DYRK1A: variants seen among roughly 807,000 people sequenced by gnomAD.
DYRK1A encodes dual specificity tyrosine phosphorylation regulated kinase 1A, also known as dual specificity tyrosine-phosphorylation-regulated kinase 1A.
DYRK1A carries 9 observed loss-of-function variants against 79.7 expected under a neutral mutation model. The ratio of observed to expected loss-of-function variants is 0.11; its 90% CI spans 0.07 to 0.20. DYRK1A has a LOEUF of 0.20. Among genes scored for constraint, DYRK1A ranks in the 10% least tolerant of loss-of-function variants. The pLI is 1.00. For synonymous variants in DYRK1A, 349 were observed against 329.7 expected, an observed-to-expected ratio of 1.06 and a Z score of -0.63; for missense variants, 622 against 956.0, an observed-to-expected ratio of 0.65 and a Z score of 4.61.
intron 2 of DYRK1A, among the ~76,000 whole-genome samples, chr21:37,451,366 C>CCCACCCA (rs2051443172): frequency 3.8e-5 from 2 of 52,566 alleles, no homozygotes; most frequent in Non-Finnish European, 1.0e-4. Context: ...CCATCCCTCC[C>CCCACCCA]TCCCTCCATC....
chr21:37,375,727 A>G (rs143983667), intron 1 of DYRK1A, among the ~76,000 whole-genome samples: 1,610 of 151,894 alleles, frequency 0.011, 21 homozygotes, highest in African/African-American at 0.037. Flanking sequence ...GGATTTCACT[A>G]TGTTGGTCAG....
At chr21:37,420,262 CATT>C (rs2050439902) in intron 1 of DYRK1A, 34 bp from the exon 2 acceptor site, 2 of 760,340 alleles carry the variant, frequency 2.6e-6, no homozygotes, top group East Asian at 5.7e-5. Flanking sequence ...TGTCTTGCAT[CATT>C]ATCTCTTATC....
intron 2 of DYRK1A, among the ~76,000 whole-genome samples, chr21:37,468,108 T>A (rs933968878): frequency 2.6e-5 from 4 of 152,144 alleles, no homozygotes; most frequent in Non-Finnish European, 5.9e-5. Flanking sequence ...TAGCCAAACT[T>A]ACTTACTTTT....
In DYRK1A at chr21:37,420,337, C is replaced by A; in HGVS notation, c.-38C>A. ...CCGCTGGACTCTTCCCTCCCTTCCC[C>A]CACCCCATCAGGATGATATGAGACT... On this transcript the variant is annotated 5_prime_UTR_variant, in exon 2 of 12. Coordinates refer to ENST00000647188, the MANE Select transcript of DYRK1A (RefSeq NM_001347721.2). The A allele has an allele frequency of 6.2e-7, 1 of 1,608,948 alleles. No individual in the cohort carries two copies. The highest frequency in any genetic ancestry group is 8.5e-7 in the Non-Finnish European group (1 of 1,176,586).
intron 2 of DYRK1A, among the ~76,000 whole-genome samples, chr21:37,466,232 C>T (rs948102214): frequency 1.4e-4 from 21 of 151,928 alleles, no homozygotes; most frequent in East Asian, 3.9e-4. Flanking sequence ...CTTGTGAATA[C>T]AGTAGATATA....
At chr21:37,366,420 G>A (rs1214202207), upstream of DYRK1A, among the ~76,000 whole-genome samples, 1 of 146,380 alleles carries the variant, frequency 6.8e-6, no homozygotes, top group East Asian at 2.0e-4. Context: ...GGGGCGGGGC[G>A]GGGCGGCCGG....
At chr21:37,447,262 T>C (rs1057251633) in intron 2 of DYRK1A, among the ~76,000 whole-genome samples, 3 of 152,136 alleles carry the variant, frequency 2.0e-5, no homozygotes, top group African/African-American at 4.8e-5. Context: ...CAGGATCTTA[T>C]GTTATAGTTG....
chr21:37,461,345 G>T (rs2051831629), intron 2 of DYRK1A, among the ~76,000 whole-genome samples: 1 of 152,072 alleles, frequency 6.6e-6, no homozygotes, highest in Non-Finnish European at 1.5e-5. Flanking sequence ...CCTGTCCTTT[G>T]TGCTGTGATT....
At chr21:37,427,425 T>C (rs1168960621) in intron 2 of DYRK1A, among the ~76,000 whole-genome samples, 10 of 152,232 alleles carry the variant, frequency 6.6e-5, no homozygotes, top group South Asian at 6.2e-4. Flanking sequence ...TCTTGGCCTT[T>C]AGTCACTTTT....
chr21:37,377,452 C>T (rs1015151020), intron 1 of DYRK1A, among the ~76,000 whole-genome samples: 1 of 151,934 alleles, frequency 6.6e-6, no homozygotes, highest in African/African-American at 2.4e-5. Context: ...AGAAATATTT[C>T]CATGTCAGCT....
chr21:37,525,677 C>G lies in DYRK1A; in HGVS notation c.*13146C>G, dbSNP rs138530252. 23 of 152,332 alleles carry G rather than the reference C, an allele frequency of 1.5e-4. No homozygotes were observed. The highest frequency in any genetic ancestry group is 5.3e-4 in the African/African-American group (22 of 41,570). The allele number at this position is 152,332 out of a possible 1,614,324, so 9.4% of individuals were successfully genotyped here. A position where few individuals can be genotyped will look rare whatever the true frequency, so the allele number is the denominator to read the frequency against. On this transcript the variant is annotated 3_prime_UTR_variant, in exon 12 of 12. Coordinates refer to ENST00000647188, the MANE Select transcript of DYRK1A (RefSeq NM_001347721.2). ...GATACTTTGTGAGAAATATTTGAAT[C>G]TATCATGCATTATTGAACCAGTATT... is the stretch of plus-strand genomic sequence containing the variant.
intron 6 of DYRK1A, among the ~76,000 whole-genome samples, chr21:37,489,832 T>G (rs781705386): frequency 2.6e-5 from 4 of 152,158 alleles, no homozygotes; most frequent in Non-Finnish European, 5.9e-5. Context: ...AAGTGCTTTC[T>G]TTTATAAATG....
Position 37,478,216 on chromosome 21 carries a change from G to A in DYRK1A, c.216G>A (p.Met72Ile), listed in dbSNP as rs1481588592. Residue 72 changes from methionine (M) to isoleucine (I), a missense_variant, in exon 4 of 12, where the codon ATG becomes ATA. By Grantham distance (10) the Met-to-Ile change is conservative. Coordinates refer to ENST00000647188, the MANE Select transcript of DYRK1A (RefSeq NM_001347721.2). ...IQQPLTNQRR[M>I]PQTFRDPATA... ...ATATTGTCATGTTACAGAGGCGGAT[G>A]CCCCAAACCTTCCGTGACCCAGCAA... The A allele has an allele frequency of 6.2e-7, 1 of 1,614,118 alleles. No homozygotes were observed. The highest frequency in any genetic ancestry group is 8.5e-7 in the Non-Finnish European group (1 of 1,179,998).
intron 1 of DYRK1A, among the ~76,000 whole-genome samples, chr21:37,406,761 A>G (rs1456152364): frequency 1.3e-5 from 2 of 148,752 alleles, no homozygotes; most frequent in East Asian, 1.9e-4. Context: ...ATATATCTAT[A>G]TATGTATATA....
At chr21:37,416,317 CT>C (rs775621138) in intron 1 of DYRK1A, among the ~76,000 whole-genome samples, 316 of 98,138 alleles carry the variant, frequency 3.2e-3, no homozygotes, top group Middle Eastern at 0.014. Flanking sequence ...GTGTTTTGGC[CT>C]TTTTTTTTTT....
At chr21:37,488,695 C>G in intron 6 of DYRK1A, 1 of 985,356 alleles carries the variant, frequency 1.0e-6, no homozygotes, top group Non-Finnish European at 1.2e-6. Context: ...ATTGTGAGGT[C>G]AAGTGAAACT....
chr21:37,525,178 G>A lies in DYRK1A; in HGVS notation c.*12647G>A, dbSNP rs1369249627. 1.3e-5 allele frequency: 2 copies of A among 152,192 alleles called. No individual in the cohort carries two copies. The highest frequency in any genetic ancestry group is 1.3e-4 in the Admixed American group (2 of 15,268). The allele number at this position is 152,192 out of a possible 1,614,324, so 9.4% of individuals were successfully genotyped here. On this transcript the variant is annotated 3_prime_UTR_variant, in exon 12 of 12. Coordinates refer to ENST00000647188, the MANE Select transcript of DYRK1A (RefSeq NM_001347721.2). ...AGATGTGTTATGACTGTTGGTAGTG[G>A]AAATATATGTGTGTATTAGTCCATT...
rs2053293017 is a variant in DYRK1A, at chr21:37,497,072, CCTTGAGATCATAGTTT to C, written c.1212+815_1212+830del. ...CACACACATGTACATACAGAAGTCA[CCTTGAGATCATAGTTT>C]TGCATTTTATAACATTTAAGAGTTT... On this transcript the variant is annotated intron_variant, in intron 9 of 11. Transcript: ENST00000647188. Among the ~76,000 whole-genome samples the C allele has an allele frequency of 2.0e-5, 3 of 152,000 alleles. No individual in the cohort carries two copies. In the South Asian group the frequency reaches 6.2e-4, roughly 32 times the overall value.
In DYRK1A at chr21:37,515,800, G is replaced by A. The variant is rs563293173; in HGVS notation, c.*3269G>A. 1 of 151,090 alleles carries A rather than the reference G, an allele frequency of 6.6e-6. No individual in the cohort carries two copies. Among genetic ancestry groups the A allele is most frequent in the Non-Finnish European group, 1.5e-5 (1 of 67,826 alleles). The allele number at this position is 151,090 out of a possible 1,614,324, so 9.4% of individuals were successfully genotyped here. A position where few individuals can be genotyped will look rare whatever the true frequency, so the allele number is the denominator to read the frequency against. On this transcript the variant is annotated 3_prime_UTR_variant, in exon 12 of 12. Transcript: ENST00000647188. The stretch of plus-strand genomic sequence containing the variant: ...CATTAGTTTTCTTCTTAGGGTGTGA[G>A]AATTTTACCTAGGCACATGGATATT...
Sources: allele counts gnomAD v4.1 joint callset (sites outside exome capture counted in the v4.1 genomes callset), GRCh38; gene constraint gnomAD v4.1.1; transcripts MANE v1.5; gene names NCBI Gene and HGNC (gene_info 2026-07-23, HGNC 2026-07-21).